AOX1: variants seen among roughly 807,000 people sequenced by gnomAD.
AOX1 encodes the protein aldehyde oxidase.
Under a neutral mutation model 169.5 loss-of-function variants are expected in AOX1, and 153 were observed. The observed-to-expected ratio is 0.90, with a 90% CI of 0.79 to 1.03. The LOEUF is 1.03. Ranked by LOEUF, AOX1 falls within the 50% of genes least tolerant of loss-of-function variation. The probability of loss-of-function intolerance (pLI) is 0.00; values close to 1 mark genes in which losing one functional copy is unlikely to be tolerated. For missense variants in AOX1, 1,656 were observed against 1,663.9 expected (o/e 1.00, Z 0.08); for synonymous variants, 562 against 581.9 (o/e 0.97, Z 0.49).
At chr2:200,667,478 G>T (rs898317950) in intron 32 of AOX1, among the ~76,000 whole-genome samples, 1 of 122,562 alleles carries the variant, frequency 8.2e-6, no homozygotes, top group Non-Finnish European at 1.6e-5. Flanking sequence ...TCATGACATT[G>T]CATTATTGGC....
chr2:200,671,566 CATT>C (rs2036029438), downstream of AOX1: 1 of 152,088 alleles, frequency 6.6e-6, no homozygotes, highest in Non-Finnish European at 1.5e-5. Context: ...TGCTCAAACT[CATT>C]AGTCATTAAG....
At chr2:200,610,132 C>T (rs997553069) in intron 12 of AOX1, among the ~76,000 whole-genome samples, 11 of 150,704 alleles carry the variant, frequency 7.3e-5, no homozygotes, top group Non-Finnish European at 1.6e-4. Context: ...AGTGCAGTGG[C>T]ACAATCTCAG....
In AOX1 at chr2:200,641,161, G is replaced by A. The variant is rs75996313; in HGVS notation, c.2632G>A (p.Ala878Thr). The A allele has an allele frequency of 1.4e-5, 22 of 1,612,368 alleles. No homozygotes were observed. The highest frequency in any genetic ancestry group is 4.0e-5 in the African/African-American group (3 of 74,998). ...LDMEHYSNAG[A>T]SLDESLFVIE... ...CATGGAGCATTACAGCAATGCAGGC[G>A]CCTCCTTGGATGAATCATTATTCGT... The change falls in exon 24 of 35, where the codon GCC (alanine) becomes ACC (threonine). Residue 878 changes from alanine to threonine, a missense_variant. Physicochemically the swap from Ala to Thr is moderately conservative, Grantham distance 58 (BLOSUM62 0). Transcript: ENST00000374700.
intron 20 of AOX1, among the ~76,000 whole-genome samples, chr2:200,631,599 G>A (rs932198941): frequency 3.3e-5 from 5 of 152,264 alleles, no homozygotes; most frequent in Non-Finnish European, 5.9e-5. Flanking sequence ...GATCAAATTG[G>A]TTTCCAACCT....
intron 6 of AOX1, 97 bp from the exon 7 acceptor site, chr2:200,603,170 T>A: frequency 3.2e-6 from 3 of 926,292 alleles, no homozygotes; most frequent in Non-Finnish European, 3.5e-6. Context: ...CTAACGATAT[T>A]GATTCAGCAT....
In AOX1 at chr2:200,660,041, A is replaced by G. The variant is rs779048606; in HGVS notation, c.3347A>G (p.Lys1116Arg). ...AAACGCCTCGAACCCATCATCAGCA[A>G]GAATCCTAAAGGAACTTGGAAAGAC... ...LLKRLEPIIS[K>R]NPKGTWKDWA... The change falls in exon 29 of 35, where the codon AAG becomes AGG. Residue 1116 changes from lysine to arginine, a missense_variant. Lys to Arg is a conservative substitution (Grantham distance 26). Coordinates refer to ENST00000374700, the MANE Select transcript of AOX1 (RefSeq NM_001159.4). 1 of 1,613,894 alleles carries G rather than the reference A, an allele frequency of 6.2e-7. No individual in the cohort carries two copies. The highest frequency in any genetic ancestry group is 1.3e-5 in the African/African-American group (1 of 74,924).
At position 200,641,289 on chromosome 2, in the gene AOX1, A is replaced by G. The variant is rs1308491130; in HGVS notation, c.2655+105A>G. 6 of 782,824 alleles carry G rather than the reference A, an allele frequency of 7.7e-6. No individual in the cohort carries two copies. In the African/African-American group the frequency reaches 8.6e-5, roughly 11 times the overall value. The allele number at this position is 782,824 out of a possible 1,614,324, so 48.5% of individuals were successfully genotyped here. A position where few individuals can be genotyped will look rare whatever the true frequency, so the allele number is the denominator to read the frequency against. On this transcript the variant is annotated intron_variant, in intron 24 of 34. Coordinates refer to ENST00000374700, the MANE Select transcript of AOX1 (RefSeq NM_001159.4). Reference sequence around the variant, plus strand: ...TTAAGTAATATTTGATTATAAAGGTATAATGACCATCCTTGCAGGGATAGC... The same window carrying G: ...TTAAGTAATATTTGATTATAAAGGTGTAATGACCATCCTTGCAGGGATAGC...
chr2:200,637,555 A>G (rs2035260551), intron 22 of AOX1, among the ~76,000 whole-genome samples: 1 of 152,170 alleles, frequency 6.6e-6, no homozygotes, highest in African/African-American at 2.4e-5. Context: ...ACACACATAC[A>G]TATATACATA....
At chr2:200,663,112 A>C (rs2035859793) in intron 31 of AOX1, 143 bp downstream of exon 31, 1 of 631,476 alleles carries the variant, frequency 1.6e-6, no homozygotes, top group African/African-American at 1.8e-5. Flanking sequence ...CCAGAAGAAA[A>C]TAGAATCCCC....
intron 1 of AOX1, 140 bp downstream of exon 1, chr2:200,586,293 G>T (rs2034029467): frequency 1.1e-6 from 1 of 934,374 alleles, no homozygotes. Context: ...CGTAACAGCG[G>T]CTTTGCCTTC....
intron 26 of AOX1, 71 bp from the exon 27 acceptor site, chr2:200,656,771 A>G (rs1184643253): frequency 7.0e-6 from 8 of 1,137,054 alleles, no homozygotes; most frequent in Non-Finnish European, 9.8e-6. Context: ...TCCAAGGAAA[A>G]TGTTTTAATT....
At chr2:200,631,119 A>G (rs1459482139) in intron 20 of AOX1, among the ~76,000 whole-genome samples, 3 of 152,344 alleles carry the variant, frequency 2.0e-5, no homozygotes, top group Non-Finnish European at 4.4e-5. Flanking sequence ...GAGAACTATT[A>G]TTGTTTGCAC....
At chr2:200,638,767 G>A (rs1404784889) in intron 23 of AOX1, among the ~76,000 whole-genome samples, 1 of 152,162 alleles carries the variant, frequency 6.6e-6, no homozygotes, top group African/African-American at 2.4e-5. Context: ...AAAAAAATTT[G>A]TAGTAGAAAA....
At chr2:200,617,106 A>C (rs2105716926) in intron 16 of AOX1, among the ~76,000 whole-genome samples, 1 of 152,340 alleles carries the variant, frequency 6.6e-6, no homozygotes, top group African/African-American at 2.4e-5. Context: ...AAATTAATGG[A>C]TATTGAAATC....
rs374677654 is a variant in AOX1 at position 200,627,360 on chromosome 2, T to A, written c.2132T>A (p.Ile711Lys). The change falls in exon 20 of 35, where the codon ATA becomes AAA. Residue 711 changes from isoleucine (I) to lysine (K), a missense_variant. Physicochemically the swap from Ile to Lys is moderately radical, Grantham distance 102. Coordinates refer to ENST00000374700, the MANE Select transcript of AOX1 (RefSeq NM_001159.4). ...CCTCTGTTCTCTTTCTAGGAAAGTA[T>A]ACAACACAACTCCTCCTTCAAGCCA... ...EPLILTIEES[I>K]QHNSSFKPER... The A allele has an allele frequency of 6.2e-6, 10 of 1,612,572 alleles. No individual in the cohort carries two copies. Among genetic ancestry groups the A allele is most frequent in the Non-Finnish European group, 8.5e-6 (10 of 1,178,788 alleles).
At position 200,623,846 on chromosome 2, in the gene AOX1, C is replaced by CT; in HGVS notation, c.2002-12dup. 1 of 1,613,400 alleles carries CT rather than the reference C, an allele frequency of 6.2e-7. No homozygotes were observed. Among genetic ancestry groups the CT allele is most frequent in the Non-Finnish European group, 8.5e-7 (1 of 1,179,884 alleles). ...GCCTGCCCTCCTTGACAACAAAGGT[C>CT]TTTCTGTGTCGTAGGTGTTCTGTGT... On this transcript the variant is annotated splice_polypyrimidine_tract_variant and intron_variant, in intron 18 of 34. Transcript: ENST00000374700.
chr2:200,593,777 C>T (rs2034223513), intron 2 of AOX1, among the ~76,000 whole-genome samples: 1 of 151,928 alleles, frequency 6.6e-6, no homozygotes, highest in South Asian at 2.1e-4. Flanking sequence ...GTAAAATTAC[C>T]AAAAGAGTAC....
At chr2:200,611,346 C>A (rs940503885) in intron 12 of AOX1, 38 bp from the exon 13 acceptor site, 1 of 1,449,020 alleles carries the variant, frequency 6.9e-7, no homozygotes, top group African/African-American at 1.4e-5. Context: ...TTTAACAGAC[C>A]AAACAGATCC....
At chr2:200,678,900 C>T (rs2036132151), downstream of AOX1, among the ~76,000 whole-genome samples, 1 of 152,178 alleles carries the variant, frequency 6.6e-6, no homozygotes, top group Non-Finnish European at 1.5e-5. Context: ...CAGTTGGTCT[C>T]ATTTAACTTC....
Sources: allele counts gnomAD v4.1 joint callset (sites outside exome capture counted in the v4.1 genomes callset), GRCh38; gene constraint gnomAD v4.1.1; transcripts MANE v1.5; gene names NCBI Gene and HGNC (gene_info 2026-07-23, HGNC 2026-07-21).